Variants in SAP130 observed in about 807,000 individuals in gnomAD.
The protein encoded by SAP130 is Sin3A associated protein 130, also known as histone deacetylase complex subunit SAP130.
In SAP130, 16 loss-of-function variants were observed where a neutral mutation model predicts 103.2. The ratio of observed to expected loss-of-function variants is 0.16; its 90% confidence interval spans 0.10 to 0.24. The LOEUF is 0.24. Ranked by LOEUF, SAP130 falls within the 10% of genes least tolerant of loss-of-function variation. The pLI, the probability that SAP130 is intolerant of heterozygous loss-of-function variation, is 1.00. For synonymous variants in SAP130, 477 were observed against 497.0 expected, an observed-to-expected ratio of 0.96 and a Z score of 0.53; for missense variants, 990 against 1,359.7, an observed-to-expected ratio of 0.73 and a Z score of 4.28.
intron 7 of SAP130, among the ~76,000 whole-genome samples, chr2:128,001,640 G>A (rs917453818): frequency 1.3e-5 from 2 of 152,076 alleles, no homozygotes; most frequent in Admixed American, 6.5e-5. Flanking sequence ...ACTGCCTACA[G>A]TATTCAGTAC....
intron 15 of SAP130, among the ~76,000 whole-genome samples, chr2:127,962,219 T>G (rs1375815982): frequency 6.6e-6 from 1 of 152,138 alleles, no homozygotes. Context: ...GTATGAAAGG[T>G]AAACGTTGAT....
At chr2:128,023,317 T>C (rs898690790) in intron 2 of SAP130, among the ~76,000 whole-genome samples, 1 of 152,102 alleles carries the variant, frequency 6.6e-6, no homozygotes, top group Non-Finnish European at 1.5e-5. Flanking sequence ...AATTTTTGTA[T>C]TTGCTGTAGA....
chr2:128,007,010 T>A (rs1684028183), intron 7 of SAP130, among the ~76,000 whole-genome samples: 1 of 152,216 alleles, frequency 6.6e-6, no homozygotes. Context: ...TAGTGTTATA[T>A]GAGTGAATGC....
chr2:128,013,377 G>GT (rs1168640492), intron 5 of SAP130, among the ~76,000 whole-genome samples: 1 of 152,162 alleles, frequency 6.6e-6, no homozygotes, highest in Non-Finnish European at 1.5e-5. Flanking sequence ...ACTAGCTGCT[G>GT]TTTTTTGTTT....
Position 128,006,343 on chromosome 2 carries a change from G to A in SAP130, c.869+3926C>T, listed in dbSNP as rs182624298. ...AATGACTGAAAAGACAAGGGTCAAA[G>A]AACTGACAGACTGAATGTATTTAGT... On this transcript the variant is annotated intron_variant, in intron 7 of 20. Transcript: ENST00000643581. Among the ~76,000 whole-genome samples, 629 of 152,318 alleles carry A rather than the reference G, an allele frequency of 4.1e-3. 3 individuals carry two copies. The highest frequency in any genetic ancestry group is 6.9e-3 in the Non-Finnish European group (468 of 68,024).
At chr2:127,973,458 C>A (rs1681233902) in intron 15 of SAP130, among the ~76,000 whole-genome samples, 1 of 152,224 alleles carries the variant, frequency 6.6e-6, no homozygotes, top group Admixed American at 6.5e-5. Context: ...TCTCAAACTC[C>A]TGACCTCGGG....
Position 127,970,927 on chromosome 2 carries a change from C to T in SAP130, c.2063+7058G>A, listed in dbSNP as rs143429528. ...TTGGTCTTACTTCTATCACGATATGCTCTGTATGGTTTTTCTTTTATCTTT... is the reference window on the plus strand; with the variant it reads ...TTGGTCTTACTTCTATCACGATATGTTCTGTATGGTTTTTCTTTTATCTTT... On this transcript the variant is annotated intron_variant, in intron 15 of 20. Coordinates refer to ENST00000643581, the MANE Select transcript of SAP130 (RefSeq NM_001330301.2). Among the ~76,000 whole-genome samples the T allele has an allele frequency of 1.1e-3, 172 of 152,082 alleles. 1 individual carries two copies. Among genetic ancestry groups the T allele is most frequent in the South Asian group, 6.4e-3 (31 of 4,818 alleles).
chr2:127,991,560 T>C (rs1217357975), intron 12 of SAP130, among the ~76,000 whole-genome samples: 2 of 152,102 alleles, frequency 1.3e-5, no homozygotes, highest in African/African-American at 2.4e-5. Flanking sequence ...CTCAAACTCC[T>C]GGTCTCAAGC....
chr2:127,942,377 GC>G lies in SAP130; in HGVS notation c.3015+46del. The G allele has an allele frequency of 7.2e-7, 1 of 1,382,778 alleles. No individual in the cohort carries two copies. The highest frequency in any genetic ancestry group is 1.0e-6 in the Non-Finnish European group (1 of 970,406). 85.7% of individuals were successfully genotyped at this position (1,382,778 alleles called of 1,614,324 possible). A position where few individuals can be genotyped will look rare whatever the true frequency, so the allele number is the denominator to read the frequency against. Reference sequence around the variant, plus strand: ...CGGGAGAAGTAGGGCTTTACAGAAAGCAACTTCATAAAGTAGATGATCAGAA... The same window carrying G: ...CGGGAGAAGTAGGGCTTTACAGAAAGAACTTCATAAAGTAGATGATCAGAA... On this transcript the variant is annotated intron_variant, in intron 20 of 20. Transcript: ENST00000643581. This position sits in a 1 kb window ranked among gnomAD's most constrained non-coding sequence, Gnocchi z 4.8.
In SAP130 at chr2:128,025,003, CAA is replaced by C. The variant is rs35797540; in HGVS notation, c.112+1176_112+1177del. On this transcript the variant is annotated intron_variant, in intron 2 of 20. Coordinates refer to ENST00000643581, the MANE Select transcript of SAP130 (RefSeq NM_001330301.2). ...AGTGACAGAGTGAGACCCTATTGCG[CAA>C]AAAAAAAAAAAAAAAAGCCTCAGCT... Among the ~76,000 whole-genome samples, 7 of 100,232 alleles carry C rather than the reference CAA, an allele frequency of 7.0e-5. No homozygotes were observed. In the South Asian group the frequency reaches 9.4e-4, roughly 13 times the overall value. The allele number at this position is 100,232 out of a possible 152,430, so 65.8% of individuals were successfully genotyped here.
At chr2:127,998,121 G>GA (rs1278061706) in intron 10 of SAP130, among the ~76,000 whole-genome samples, 10 of 148,180 alleles carry the variant, frequency 6.7e-5, no homozygotes, top group African/African-American at 9.9e-5. Flanking sequence ...AAAAAAAAAA[G>GA]AAAAAAAACC....
chr2:127,975,580 A>G (rs928816544), intron 15 of SAP130, among the ~76,000 whole-genome samples: 1 of 152,252 alleles, frequency 6.6e-6, no homozygotes. Flanking sequence ...AAAAATTACA[A>G]TTATTCAAGG....
In SAP130 at chr2:127,955,308, G is replaced by A; in HGVS notation, c.2100C>T (p.Ala700=). 1 of 1,587,682 alleles carries A rather than the reference G, an allele frequency of 6.3e-7. No individual in the cohort carries two copies. Among genetic ancestry groups the A allele is most frequent in the Non-Finnish European group, 8.6e-7 (1 of 1,161,100 alleles). The part of the protein sequence containing the change: ...KPKSEIHVSM[A]TPVTVSMETV... ...TCTCCATGGACACAGTGACCGGAGT[G>A]GCCATAGACACGTGGATTTCAGACT... Residue 700 remains alanine (A), a synonymous_variant, in exon 16 of 21, where the codon GCC becomes GCT. Coordinates refer to ENST00000643581, the MANE Select transcript of SAP130 (RefSeq NM_001330301.2). The surrounding 1 kb of genome is among the most constrained non-coding windows in gnomAD (Gnocchi z 4.9).
At chr2:127,967,726 A>G (rs532359116) in intron 15 of SAP130, among the ~76,000 whole-genome samples, 26 of 152,232 alleles carry the variant, frequency 1.7e-4, no homozygotes, top group African/African-American at 3.6e-4. Context: ...CCCCACTTTC[A>G]ATAATGGATG....
intron 15 of SAP130, among the ~76,000 whole-genome samples, chr2:127,968,549 G>T (rs1295020796): frequency 6.6e-6 from 1 of 150,640 alleles, no homozygotes; most frequent in Non-Finnish European, 1.5e-5. Flanking sequence ...AAAAGACAGG[G>T]TCTCACTCTG....
At chr2:127,981,256 C>A (rs1051687917) in intron 14 of SAP130, among the ~76,000 whole-genome samples, 1 of 151,906 alleles carries the variant, frequency 6.6e-6, no homozygotes, top group Non-Finnish European at 1.5e-5. Flanking sequence ...CTCCAGGATG[C>A]GGGTAAAGAC....
At position 127,970,429 on chromosome 2, in the gene SAP130, T is replaced by C. The variant is rs549077091; in HGVS notation, c.2063+7556A>G. On this transcript the variant is annotated intron_variant, in intron 15 of 20. Coordinates refer to ENST00000643581, the MANE Select transcript of SAP130 (RefSeq NM_001330301.2). Reference sequence around the variant, plus strand: ...GGTGATGCGTGCCTGTAATCCCAGCTGCTCAGGAGGCTGAGGCAGGAGAAT... The same window carrying C: ...GGTGATGCGTGCCTGTAATCCCAGCCGCTCAGGAGGCTGAGGCAGGAGAAT... Among the ~76,000 whole-genome samples, 8 of 150,498 alleles carry C rather than the reference T, an allele frequency of 5.3e-5. No individual in the cohort carries two copies. In the Admixed American group the frequency reaches 5.3e-4, roughly 10 times the overall value.
At chr2:128,025,351 T>C (rs955948188) in intron 2 of SAP130, among the ~76,000 whole-genome samples, 43 of 152,266 alleles carry the variant, frequency 2.8e-4, no homozygotes, top group African/African-American at 1.0e-3. Context: ...AGTACTCCCC[T>C]GGAGGAAAAA....
Position 128,017,810 on chromosome 2 carries a change from C to T in SAP130, c.218G>A (p.Arg73Lys), listed in dbSNP as rs2105215136. ...CAACATCTGCACCTGTGGATAGGGC[C>T]TTACCACAACAGGCTCTTGCTTCTC... ...REEKQEPVVVRPYPQVQMLST... is the reference protein window; with the variant it reads ...REEKQEPVVVKPYPQVQMLST... The change falls in exon 3 of 21, where the codon AGG becomes AAG. Residue 73 changes from arginine to lysine, a missense_variant. Around this residue, in one of 6 missense-constraint regions of SAP130, gnomAD observed 167 missense variants for 187.4 expected, o/e 0.89. Coordinates refer to ENST00000643581, the MANE Select transcript of SAP130 (RefSeq NM_001330301.2). 1 of 1,614,246 alleles carries T rather than the reference C, an allele frequency of 6.2e-7. No individual in the cohort carries two copies. The highest frequency in any genetic ancestry group is 2.2e-5 in the East Asian group (1 of 44,890).
Sources: gnomAD v4.1 joint callset for allele counts (sites outside exome capture counted in the v4.1 genomes callset) on GRCh38, gnomAD v4.1.1 for gene constraint, gnomAD v4.1.1 regional missense constraint, Gnocchi (gnomAD v3.1) non-coding constraint, MANE v1.5 for transcripts, NCBI Gene and HGNC (gene_info 2026-07-23, HGNC 2026-07-21) for gene names.